LRRC39: variants seen among roughly 807,000 people sequenced by gnomAD.
LRRC39 encodes the protein leucine rich repeat containing 39.
Under a neutral mutation model 39.7 loss-of-function variants are expected in LRRC39, and 35 were observed. That is an observed-to-expected ratio of 0.88 (90% confidence interval 0.67 to 1.17). The LOEUF is 1.17. Ranked by LOEUF, LRRC39 falls within the 50% of genes most tolerant of loss-of-function variation. The pLI is 0.00. For synonymous variants in LRRC39, 113 were observed against 134.1 expected, an observed-to-expected ratio of 0.84 and a Z score of 1.09; for missense variants, 357 against 385.8, an observed-to-expected ratio of 0.93 and a Z score of 0.62.
intron 1 of LRRC39, among the ~76,000 whole-genome samples, chr1:100,176,310 C>T (rs1459064204): frequency 6.6e-6 from 1 of 152,122 alleles, no homozygotes; most frequent in Non-Finnish European, 1.5e-5. Flanking sequence ...TGCCTGTAAT[C>T]CCAGCTACTT....
rs1417944634 is a variant in LRRC39, at chr1:100,151,095, C to T, written c.952+1290G>A. ...AGTGAGCCGAGATTGCACCATTGCA[C>T]TCTAGCCTGGGCAACCAGAGAGAAA... On this transcript the variant is annotated intron_variant, in intron 9 of 9. Transcript: ENST00000370137. 3.6e-5 allele frequency among the ~76,000 whole-genome samples: 5 copies of T among 137,756 alleles called. No homozygotes were observed. The Admixed American group carries it at 4.0e-4, about 11-fold the overall frequency. The allele number at this position is 137,756 out of a possible 152,430, so 90.4% of individuals were successfully genotyped here.
chr1:100,160,096 C>T (rs1658756161), intron 4 of LRRC39, among the ~76,000 whole-genome samples: 2 of 152,094 alleles, frequency 1.3e-5, no homozygotes, highest in South Asian at 4.1e-4. Context: ...AGGTGGTAGA[C>T]CCACTGAAAA....
In LRRC39 at chr1:100,155,087, T is replaced by C. The variant is rs764480073; in HGVS notation, c.776A>G (p.Asp259Gly). The change falls in exon 8 of 10, where the codon GAT becomes GGT. Residue 259 changes from aspartate (D) to glycine (G), a missense_variant. Coordinates refer to ENST00000370137, the MANE Select transcript of LRRC39 (RefSeq NM_144620.4). ...TLVLSNNKLQ[D>G]IPVCMEEMAN... is the part of the protein sequence containing the mutation. Reference sequence around the variant, plus strand: ...CATTTCTTCCATGCATACTGGAATATCTTGCAGTTTATTGTTGCTGAGAAC... The same window carrying C: ...CATTTCTTCCATGCATACTGGAATACCTTGCAGTTTATTGTTGCTGAGAAC... 3.1e-6 allele frequency: 5 copies of C among 1,606,168 alleles called. No individual in the cohort carries two copies. The highest frequency in any genetic ancestry group is 4.2e-6 in the Non-Finnish European group (5 of 1,177,532).
Position 100,149,092 on chromosome 1 carries a change from G to A in LRRC39, c.958C>T (p.Gln320Ter). 1 of 1,601,302 alleles carries A rather than the reference G, an allele frequency of 6.2e-7. No individual in the cohort carries two copies. The highest frequency in any genetic ancestry group is 2.3e-5 in the East Asian group (1 of 44,076). Residue 320 changes from glutamine (Q) to a stop codon, truncating the protein, a stop_gained, in exon 10 of 10, where the codon CAA becomes TAA. Coordinates refer to ENST00000370137, the MANE Select transcript of LRRC39 (RefSeq NM_144620.4). LOFTEE classifies it low-confidence loss of function (END_TRUNC). ...GGTAAAGTAGTTGAACCGTTGACTT[G>A]GTGATCTGAAACATACATAACATGT... ...IQESRRRADH[Q>*]VNGSTTLPIS...
At chr1:100,170,753 A>C (rs1395726628) in intron 2 of LRRC39, among the ~76,000 whole-genome samples, 1 of 150,598 alleles carries the variant, frequency 6.6e-6, no homozygotes, top group East Asian at 2.0e-4. Flanking sequence ...TCACTCTATC[A>C]CCCAGGCTAC....
chr1:100,150,966 A>G (rs1003900549), intron 9 of LRRC39, among the ~76,000 whole-genome samples: 2 of 151,964 alleles, frequency 1.3e-5, no homozygotes, highest in African/African-American at 4.8e-5. Flanking sequence ...TGTCTCTACT[A>G]AAAATACGAA....
intron 2 of LRRC39, among the ~76,000 whole-genome samples, chr1:100,171,684 T>G (rs1300851863): frequency 6.6e-6 from 1 of 150,780 alleles, no homozygotes; most frequent in African/African-American, 2.4e-5. Context: ...TTTTTTTTTT[T>G]GTAAAGACAG....
At chr1:100,176,056 C>T (rs1659934874) in intron 1 of LRRC39, among the ~76,000 whole-genome samples, 1 of 152,180 alleles carries the variant, frequency 6.6e-6, no homozygotes, top group South Asian at 2.1e-4. Flanking sequence ...AAGGGTGTGT[C>T]TCCACCAGGA....
intron 3 of LRRC39, 55 bp from the exon 4 acceptor site, chr1:100,160,626 CTTT>C (rs35699743): frequency 5.9e-4 from 663 of 1,114,862 alleles, no homozygotes; most frequent in South Asian, 1.2e-3. Context: ...GTGGCATTCA[CTTT>C]TTTTTTTTTT....
chr1:100,153,855 A>G (rs1299378823), intron 8 of LRRC39, among the ~76,000 whole-genome samples: 1 of 152,124 alleles, frequency 6.6e-6, no homozygotes, highest in African/African-American at 2.4e-5. Flanking sequence ...TCCTGGGCTC[A>G]AGCGATCCTC....
chr1:100,153,416 T>G (rs1658200818), intron 8 of LRRC39, among the ~76,000 whole-genome samples: 1 of 152,106 alleles, frequency 6.6e-6, no homozygotes, highest in South Asian at 2.1e-4. Context: ...GATGAAGACC[T>G]CAAAAGCAAA....
intron 3 of LRRC39, 55 bp from the exon 4 acceptor site, chr1:100,160,626 CTTTTT>C: frequency 2.7e-6 from 3 of 1,118,058 alleles, no homozygotes; most frequent in Non-Finnish European, 3.7e-6. Flanking sequence ...GTGGCATTCA[CTTTTT>C]TTTTTTTTTG....
chr1:100,153,930 A>C (rs1055958955), intron 8 of LRRC39, among the ~76,000 whole-genome samples: 1 of 152,114 alleles, frequency 6.6e-6, no homozygotes, highest in Non-Finnish European at 1.5e-5. Context: ...TATATCTGCT[A>C]TCAATAACAT....
rs764480073 is a variant in LRRC39 at position 100,155,087 on chromosome 1, T to G, written c.776A>C (p.Asp259Ala). The G allele has an allele frequency of 6.2e-7, 1 of 1,606,168 alleles. No homozygotes were observed. The highest frequency in any genetic ancestry group is 1.1e-5 in the South Asian group (1 of 88,904). Reference sequence around the variant, plus strand: ...CATTTCTTCCATGCATACTGGAATATCTTGCAGTTTATTGTTGCTGAGAAC... The same window carrying G: ...CATTTCTTCCATGCATACTGGAATAGCTTGCAGTTTATTGTTGCTGAGAAC... Reference protein sequence around the residue: ...TLVLSNNKLQDIPVCMEEMAN... With the variant: ...TLVLSNNKLQAIPVCMEEMAN... The change falls in exon 8 of 10, where the codon GAT becomes GCT. Residue 259 changes from aspartate to alanine, a missense_variant. Coordinates refer to ENST00000370137, the MANE Select transcript of LRRC39 (RefSeq NM_144620.4).
chr1:100,164,745 A>G (rs1461978304), intron 3 of LRRC39, among the ~76,000 whole-genome samples: 1 of 151,798 alleles, frequency 6.6e-6, no homozygotes, highest in Non-Finnish European at 1.5e-5. Context: ...TCTGACACCC[A>G]GGCTGGTGTG....
chr1:100,174,573 A>AC (rs1419356636), intron 1 of LRRC39, among the ~76,000 whole-genome samples: 1 of 152,180 alleles, frequency 6.6e-6, no homozygotes, highest in Non-Finnish European at 1.5e-5. Context: ...TGCTGGGACT[A>AC]CAGGTGTGAG....
intron 6 of LRRC39, among the ~76,000 whole-genome samples, chr1:100,157,978 C>T (rs1658579719): frequency 6.6e-6 from 1 of 152,192 alleles, no homozygotes; most frequent in African/African-American, 2.4e-5. Flanking sequence ...TAATACAACT[C>T]TCACCCTGGC....
At chr1:100,175,418 G>A (rs1352388782) in intron 1 of LRRC39, among the ~76,000 whole-genome samples, 55 of 151,148 alleles carry the variant, frequency 3.6e-4, no homozygotes, top group Non-Finnish European at 1.5e-5. Context: ...GAACTCCTGG[G>A]CTCAAGTGAT....
intron 2 of LRRC39, among the ~76,000 whole-genome samples, chr1:100,172,021 G>T (rs1659645759): frequency 6.6e-6 from 1 of 151,864 alleles, no homozygotes; most frequent in African/African-American, 2.4e-5. Flanking sequence ...CAAACACAAA[G>T]AAAACAGAAG....
Sources: gnomAD v4.1 joint callset for allele counts (sites outside exome capture counted in the v4.1 genomes callset) on GRCh38, gnomAD v4.1.1 for gene constraint, MANE v1.5 for transcripts, NCBI Gene and HGNC (gene_info 2026-07-23, HGNC 2026-07-21) for gene names.